The following ERBB4 variants were observed in gnomAD, a reference collection of about 807,000 sequenced individuals.
ERBB4 encodes receptor tyrosine-protein kinase erbB-4.
ERBB4 carries 42 observed loss-of-function variants against 158.0 expected under a neutral mutation model. The ratio of observed to expected loss-of-function variants is 0.27; its 90% CI spans 0.21 to 0.34. ERBB4 has a LOEUF of 0.34. Ranked by LOEUF, ERBB4 falls within the 10% of genes least tolerant of loss-of-function variation. ERBB4 has a pLI of 1.00. For missense variants in ERBB4, 1,333 were observed against 1,624.1 expected, an observed-to-expected ratio of 0.82 and a Z score of 3.08; for synonymous variants, 583 against 558.7, an observed-to-expected ratio of 1.04 and a Z score of -0.61.
chr2:212,427,202 G>A (rs2091933167), intron 1 of ERBB4, among the ~76,000 whole-genome samples: 1 of 152,086 alleles, frequency 6.6e-6, no homozygotes, highest in Admixed American at 6.6e-5. Flanking sequence ...ATCACCATTG[G>A]CTCACTATCA....
chr2:212,268,798 T>C (rs1254400343), intron 1 of ERBB4, among the ~76,000 whole-genome samples: 1 of 151,870 alleles, frequency 6.6e-6, no homozygotes, highest in Non-Finnish European at 1.5e-5. Context: ...AATCCTGCTC[T>C]AGTCTCATGA....
chr2:211,380,797 G>T lies in ERBB4; in HGVS notation c.*2818C>A, dbSNP rs2062561961. On this transcript the variant is annotated 3_prime_UTR_variant, in exon 28 of 28. Coordinates refer to ENST00000342788, the MANE Select transcript of ERBB4 (RefSeq NM_005235.3). ...GTATTACCCAACATGTAGAAGTCTT[G>T]TGTTCTTAGGAGGAAAGAGACATTC... is the stretch of plus-strand genomic sequence containing the variant. 1 of 231,756 alleles carries T rather than the reference G, an allele frequency of 4.3e-6. No homozygotes were observed. The highest frequency in any genetic ancestry group is 2.2e-5 in the African/African-American group (1 of 45,258). 14.4% of individuals were successfully genotyped at this position (231,756 alleles called of 1,614,324 possible).
intron 1 of ERBB4, among the ~76,000 whole-genome samples, chr2:212,210,730 A>G (rs113238959): frequency 2.0e-5 from 3 of 152,032 alleles, no homozygotes; most frequent in African/African-American, 7.2e-5. Context: ...TTTTCCCTTC[A>G]CCACCTACTC....
intron 25 of ERBB4, among the ~76,000 whole-genome samples, chr2:211,420,223 A>G (rs73067249): frequency 4.1e-4 from 62 of 152,148 alleles, no homozygotes; most frequent in African/African-American, 1.5e-3. Context: ...GAAATCTTGA[A>G]GGTATTTCAG....
rs543147836 is a variant in ERBB4 at position 211,916,830 on chromosome 2, A to C, written c.421+30600T>G. Among the ~76,000 whole-genome samples the C allele has an allele frequency of 9.4e-4, 143 of 152,324 alleles. 1 individual carries two copies. Among genetic ancestry groups the C allele is most frequent in the Non-Finnish European group, 1.8e-3 (120 of 68,028 alleles). On this transcript the variant is annotated intron_variant, in intron 3 of 27. Transcript: ENST00000342788. ...CACATTTAAGAATGTTTAATAGGAA[A>C]GACATAGGAAATACATATTTTCTTC...
intron 1 of ERBB4, among the ~76,000 whole-genome samples, chr2:212,167,668 T>A (rs957600843): frequency 1.3e-5 from 2 of 152,070 alleles, no homozygotes; most frequent in Non-Finnish European, 2.9e-5. Context: ...TTATTTACAA[T>A]AACAAAGTCA....
rs369824508 is a variant in ERBB4 at position 211,407,211 on chromosome 2, C to T, written c.3135+13230G>A. On this transcript the variant is annotated intron_variant, in intron 25 of 27. Coordinates refer to ENST00000342788, the MANE Select transcript of ERBB4 (RefSeq NM_005235.3). ...AACAGGTATCACCTATTATTATTTACTCTTTGAGGAATTTAATACACTTAT... is the reference window on the plus strand; with the variant it reads ...AACAGGTATCACCTATTATTATTTATTCTTTGAGGAATTTAATACACTTAT... Among the ~76,000 whole-genome samples, 5 of 152,042 alleles carry T rather than the reference C, an allele frequency of 3.3e-5. No individual in the cohort carries two copies. In the East Asian group the frequency reaches 7.7e-4, roughly 23 times the overall value.
chr2:212,518,386 A>C lies in ERBB4; in HGVS notation c.82+20063T>G, dbSNP rs192597721. On this transcript the variant is annotated intron_variant, in intron 1 of 27. Transcript: ENST00000342788. ...AATGAATATTATGTCTCAGTTACAA[A>C]TTATATGATTTAATCTCAAAATTTC... 1.9e-3 allele frequency among the ~76,000 whole-genome samples: 294 copies of C among 152,170 alleles called. 3 individuals carry two copies. The highest frequency in any genetic ancestry group is 2.3e-3 in the East Asian group (12 of 5,190).
Position 211,841,825 on chromosome 2 carries a change from A to G in ERBB4, c.422-53666T>C, listed in dbSNP as rs564864385. On this transcript the variant is annotated intron_variant, in intron 3 of 27. Coordinates refer to ENST00000342788, the MANE Select transcript of ERBB4 (RefSeq NM_005235.3). ...GACTTGATTGGAATTAAAATTTGTT[A>G]GCACCTGCTAGGTATTCATCAGTTG... is the stretch of plus-strand genomic sequence containing the variant. 3.3e-5 allele frequency among the ~76,000 whole-genome samples: 5 copies of G among 152,210 alleles called. No homozygotes were observed. In the South Asian group the frequency reaches 1.0e-3, roughly 32 times the overall value.
At chr2:212,472,584 G>T (rs1405828406) in intron 1 of ERBB4, among the ~76,000 whole-genome samples, 2 of 151,518 alleles carry the variant, frequency 1.3e-5, no homozygotes, top group African/African-American at 4.8e-5. Flanking sequence ...AATGCAGAGA[G>T]GTAGAAAGTA....
chr2:211,872,277 T>C (rs1333708504), intron 3 of ERBB4, among the ~76,000 whole-genome samples: 3 of 152,194 alleles, frequency 2.0e-5, no homozygotes, highest in South Asian at 2.1e-4. Flanking sequence ...AATTACAACA[T>C]TCGGGTTCAA....
chr2:212,015,718 A>G (rs1311319195), intron 2 of ERBB4, among the ~76,000 whole-genome samples: 2 of 152,122 alleles, frequency 1.3e-5, no homozygotes, highest in African/African-American at 4.8e-5. Context: ...GGTAGTGCCT[A>G]CAACCACCAA....
intron 21 of ERBB4, among the ~76,000 whole-genome samples, chr2:211,430,247 T>G (rs1453453332): frequency 6.6e-6 from 1 of 152,152 alleles, no homozygotes; most frequent in African/African-American, 2.4e-5. Flanking sequence ...TTGCATTTGC[T>G]TATTTCATTT....
At chr2:211,997,908 AT>A (rs1416930765) in intron 2 of ERBB4, among the ~76,000 whole-genome samples, 12 of 39,956 alleles carry the variant, frequency 3.0e-4, no homozygotes, top group Non-Finnish European at 1.5e-3. Context: ...ACACACACAC[AT>A]CACACACACA....
At chr2:212,158,625 T>C (rs766297751) in intron 1 of ERBB4, among the ~76,000 whole-genome samples, 1 of 151,998 alleles carries the variant, frequency 6.6e-6, no homozygotes, top group Non-Finnish European at 1.5e-5. Flanking sequence ...AGTAATCATG[T>C]CTCTCTGGGC....
chr2:211,831,729 C>T (rs1254694401), intron 3 of ERBB4, among the ~76,000 whole-genome samples: 2 of 151,902 alleles, frequency 1.3e-5, no homozygotes, highest in African/African-American at 4.8e-5. Flanking sequence ...TGGTGAAACC[C>T]CATATCTACT....
At chr2:211,756,804 A>T (rs2075296619) in intron 4 of ERBB4, among the ~76,000 whole-genome samples, 1 of 152,190 alleles carries the variant, frequency 6.6e-6, no homozygotes, top group Admixed American at 6.5e-5. Flanking sequence ...AGTATCATAG[A>T]CATATTTTGA....
intron 5 of ERBB4, among the ~76,000 whole-genome samples, chr2:211,727,967 C>T (rs1462259007): frequency 6.6e-6 from 1 of 151,808 alleles, no homozygotes. Context: ...TTTGTATTTG[C>T]AATTTTGGTT....
At chr2:211,804,407 T>G (rs2076567127) in intron 3 of ERBB4, among the ~76,000 whole-genome samples, 1 of 152,166 alleles carries the variant, frequency 6.6e-6, no homozygotes, top group African/African-American at 2.4e-5. Context: ...TCAACCTGCT[T>G]ATTTCATAAT....
Sources: allele counts gnomAD v4.1 joint callset (sites outside exome capture counted in the v4.1 genomes callset), GRCh38; gene constraint gnomAD v4.1.1; transcripts MANE v1.5; gene names NCBI Gene and HGNC (gene_info 2026-07-23, HGNC 2026-07-21).